The following RFX6 variants were observed in gnomAD, a reference collection of about 807,000 sequenced individuals.
The protein encoded by RFX6 is DNA-binding protein RFX6.
A neutral mutation model predicts 110.8 loss-of-function variants in RFX6; 50 were observed. That is an observed-to-expected ratio of 0.45 (90% CI 0.36 to 0.57). The LOEUF (loss-of-function observed/expected upper bound fraction) is 0.57, where lower values mean the gene tolerates loss of function less well. RFX6 is among the 20% of genes least tolerant of loss of function. RFX6 has a pLI of 0.00. For synonymous variants in RFX6, 383 were observed against 411.2 expected (o/e 0.93, Z 0.83); for missense variants, 990 against 1,127.0 (o/e 0.88, Z 1.74).
rs145210672 is a variant in RFX6 at position 116,925,521 on chromosome 6, A to G, written c.1747A>G (p.Met583Val). 116 of 1,614,038 alleles carry G rather than the reference A, an allele frequency of 7.2e-5. No individual in the cohort carries two copies. The highest frequency in any genetic ancestry group is 9.6e-5 in the Non-Finnish European group (113 of 1,179,982). ...CFLANRNKGS[M>V]VSSDAVKNES... ...TCTGGCCAACCGTAATAAAGGGAGC[A>G]TGGTTTCCAGCGACGCTGTGAAGAA... The change falls in exon 16 of 19, where the codon ATG becomes GTG. Residue 583 changes from methionine (M) to valine (V), a missense_variant. By Grantham distance (21) the Met-to-Val change is conservative. Coordinates refer to ENST00000332958, the MANE Select transcript of RFX6 (RefSeq NM_173560.4).
At chr6:116,919,700 A>G (rs1366716073) in intron 11 of RFX6, among the ~76,000 whole-genome samples, 1 of 152,212 alleles carries the variant, frequency 6.6e-6, no homozygotes. Flanking sequence ...TAAGGTTGTG[A>G]GAAGTAAGCC....
chr6:116,908,669 TACAC>T (rs753592440), intron 6 of RFX6, among the ~76,000 whole-genome samples: 3 of 102,378 alleles, frequency 2.9e-5, no homozygotes, highest in Admixed American at 1.0e-4. Flanking sequence ...ATTTCTAGCA[TACAC>T]ACACACACAC....
chr6:116,890,904 A>T (rs1774816363), intron 4 of RFX6, among the ~76,000 whole-genome samples: 1 of 152,196 alleles, frequency 6.6e-6, no homozygotes, highest in Admixed American at 6.5e-5. Context: ...GGGGCCAAAT[A>T]ATATAATCAT....
Position 116,918,039 on chromosome 6 carries a change from T to C in RFX6, c.975T>C (p.Val325=). 6.2e-7 allele frequency: 1 copy of C among 1,604,542 alleles called. No homozygotes were observed. The highest frequency in any genetic ancestry group is 8.5e-7 in the Non-Finnish European group (1 of 1,172,298). ...FCVCDSILYK[V]LTDVLIPATM... ...TAACCTCTTTTGCTATGATTAAGGT[T>C]CTTACAGATGTACTCATTCCTGCAA... Residue 325 remains valine (V), a splice_region_variant and synonymous_variant, in exon 10 of 19, where the codon GTT becomes GTC. Coordinates refer to ENST00000332958, the MANE Select transcript of RFX6 (RefSeq NM_173560.4).
chr6:116,877,832 A>G lies in RFX6; in HGVS notation c.260A>G (p.Glu87Gly). The part of the protein sequence containing the change: ...HLNNGNFSSE[E>G]EDADNHDSKT... ...AACAATGGTAACTTTTCCTCTGAAG[A>G]AGAGGACGCCGACAACCACGACAGC... The change falls in exon 2 of 19, where the codon GAA becomes GGA. Residue 87 changes from glutamate (E) to glycine (G), a missense_variant. This residue lies in a region of RFX6 where 175 missense variants were observed against 162.3 expected (regional missense o/e 1.08). Transcript: ENST00000332958. The G allele has an allele frequency of 6.2e-7, 1 of 1,614,156 alleles. No homozygotes were observed. The highest frequency in any genetic ancestry group is 2.2e-5 in the East Asian group (1 of 44,880).
chr6:116,918,184 C>A, intron 10 of RFX6, 98 bp downstream of exon 10: 1 of 911,440 alleles, frequency 1.1e-6, no homozygotes, highest in Non-Finnish European at 1.8e-6. Flanking sequence ...ATTCATTTAT[C>A]AAGAAGACTA....
chr6:116,887,098 TAA>T (rs1774715334), intron 4 of RFX6, among the ~76,000 whole-genome samples: 1 of 151,526 alleles, frequency 6.6e-6, no homozygotes, highest in Non-Finnish European at 1.5e-5. Flanking sequence ...AAAAAAATAA[TAA>T]AACAAAAAAA....
rs1774564473 is a variant in RFX6, at chr6:116,880,424, C to T, written c.381-120C>T. On this transcript the variant is annotated intron_variant, in intron 2 of 18. Transcript: ENST00000332958. ...AAATATCCAGAATAAACGAAGTCTACTTATGTCTACTCATTACCTCATTTA... is the reference window on the plus strand; with the variant it reads ...AAATATCCAGAATAAACGAAGTCTATTTATGTCTACTCATTACCTCATTTA... The T allele has an allele frequency of 3.6e-6, 3 of 833,958 alleles. No individual in the cohort carries two copies. In the African/African-American group the frequency reaches 5.1e-5, roughly 14 times the overall value. The allele number at this position is 833,958 out of a possible 1,614,324, so 51.7% of individuals were successfully genotyped here.
rs959926216 is a variant in RFX6, at chr6:116,915,351, C to T, written c.781-657C>T. ...TGTTTAGTAAGGTCTTACTGGGTGC[C>T]AGGCACTGTTCCATATGTGTCACAT... On this transcript the variant is annotated intron_variant, in intron 7 of 18. Coordinates refer to ENST00000332958, the MANE Select transcript of RFX6 (RefSeq NM_173560.4). 2.0e-5 allele frequency among the ~76,000 whole-genome samples: 3 copies of T among 152,090 alleles called. No homozygotes were observed. The South Asian group carries it at 6.2e-4, about 31-fold the overall frequency.
chr6:116,925,717 T>G, intron 16 of RFX6, 58 bp downstream of exon 16: 2 of 1,238,516 alleles, frequency 1.6e-6, no homozygotes, highest in Non-Finnish European at 2.3e-6. Context: ...TGTTGCTTCA[T>G]TTTTCTTAAA....
Position 116,931,447 on chromosome 6 carries a change from G to C in RFX6, c.2728G>C (p.Val910Leu). Reference sequence around the variant, plus strand: ...CCATGGAACAAGCAGTAGAGAAATGGTGTCCTCTTTACCACCTATCAACAC... The same window carrying C: ...CCATGGAACAAGCAGTAGAGAAATGCTGTCCTCTTTACCACCTATCAACAC... The part of the protein sequence containing the change: ...DSHGTSSREM[V>L]SSLPPINTVF... Residue 910 changes from valine (V) to leucine (L), a missense_variant, in exon 19 of 19, where the codon GTG (valine) becomes CTG (leucine). By Grantham distance (32) the Val-to-Leu change is conservative. Coordinates refer to ENST00000332958, the MANE Select transcript of RFX6 (RefSeq NM_173560.4). 1 of 1,613,488 alleles carries C rather than the reference G, an allele frequency of 6.2e-7. No individual in the cohort carries two copies. Among genetic ancestry groups the C allele is most frequent in the South Asian group, 1.1e-5 (1 of 91,052 alleles).
chr6:116,927,432 A>G lies in RFX6; in HGVS notation c.2291A>G (p.Gln764Arg), dbSNP rs1459461175. The change falls in exon 17 of 19, where the codon CAG (glutamine) becomes CGG (arginine). Residue 764 changes from glutamine (Q) to arginine (R), a missense_variant. Physicochemically the swap from Gln to Arg is conservative, Grantham distance 43. Transcript: ENST00000332958. ...PSSYGPSLQA[Q>R]DSHNMQFLNT... is the part of the protein sequence containing the mutation. ...AGCTATGGCCCATCCCTGCAAGCCC[A>G]GGATTCACACAATATGCAGTTTTTA... 1 of 1,614,074 alleles carries G rather than the reference A, an allele frequency of 6.2e-7. No homozygotes were observed. Among genetic ancestry groups the G allele is most frequent in the Non-Finnish European group, 8.5e-7 (1 of 1,180,030 alleles).
Position 116,925,629 on chromosome 6 carries a change from G to C in RFX6, c.1855G>C (p.Ala619Pro). The change falls in exon 16 of 19, where the codon GCT (alanine) becomes CCT (proline). Residue 619 changes from alanine (A) to proline (P), a missense_variant. Coordinates refer to ENST00000332958, the MANE Select transcript of RFX6 (RefSeq NM_173560.4). Reference sequence around the variant, plus strand: ...AGGCCCTGCTCTGCACCAGTTCCCTGCTGGGAACACAGACAACATGCCGCT... The same window carrying C: ...AGGCCCTGCTCTGCACCAGTTCCCTCCTGGGAACACAGACAACATGCCGCT... ...GLGPALHQFPAGNTDNMPLTG... is the reference protein window; with the variant it reads ...GLGPALHQFPPGNTDNMPLTG... The C allele has an allele frequency of 1.2e-6, 2 of 1,613,884 alleles. No homozygotes were observed. The highest frequency in any genetic ancestry group is 1.7e-4 in the Middle Eastern group (1 of 6,056).
chr6:116,893,932 T>TC, intron 4 of RFX6, 55 bp from the exon 5 acceptor site: 2 of 992,426 alleles, frequency 2.0e-6, no homozygotes, highest in Non-Finnish European at 3.3e-6. Flanking sequence ...AGTCTCTTTT[T>TC]CCCCTCCAAA....
chr6:116,925,422 T>C, intron 15 of RFX6, 31 bp from the exon 16 acceptor site: 16 of 1,554,502 alleles, frequency 1.0e-5, no homozygotes, highest in Non-Finnish European at 1.4e-5. Context: ...AGAAAAAATC[T>C]CAAATTTCCC....
At chr6:116,926,852 A>G (rs975173908) in intron 16 of RFX6, among the ~76,000 whole-genome samples, 175 bp from the exon 17 acceptor site, 1 of 152,138 alleles carries the variant, frequency 6.6e-6, no homozygotes. Flanking sequence ...ATGTGTTGTG[A>G]TTATATTTTT....
intron 4 of RFX6, among the ~76,000 whole-genome samples, chr6:116,888,927 T>C (rs1774758606): frequency 6.6e-6 from 1 of 152,138 alleles, no homozygotes; most frequent in South Asian, 2.1e-4. Flanking sequence ...GACAGAAAGC[T>C]GCTCATTTAT....
rs1463106906 is a variant in RFX6, at chr6:116,928,907, A to G, written c.2547A>G (p.Arg849=). ...DPLNILDDSG[R]KQTSSFYTDT... ...TTAACATTTTAGATGACAGTGGTAG[A>G]AAACAGACCAGCTCGTTTTACACAG... Residue 849 remains arginine (R), a synonymous_variant, in exon 18 of 19, where the codon AGA becomes AGG. Transcript: ENST00000332958. 2 of 1,613,846 alleles carry G rather than the reference A, an allele frequency of 1.2e-6. No individual in the cohort carries two copies. Among genetic ancestry groups the G allele is most frequent in the Non-Finnish European group, 1.7e-6 (2 of 1,179,810 alleles).
chr6:116,913,952 C>T (rs1470043724), intron 7 of RFX6, among the ~76,000 whole-genome samples: 1 of 152,196 alleles, frequency 6.6e-6, no homozygotes, highest in African/African-American at 2.4e-5. Flanking sequence ...TTGTTCTCTT[C>T]TAGCTACTTT....
Sources: gnomAD v4.1 joint callset for allele counts (sites outside exome capture counted in the v4.1 genomes callset) on GRCh38, gnomAD v4.1.1 for gene constraint, gnomAD v4.1.1 regional missense constraint, MANE v1.5 for transcripts, NCBI Gene and HGNC (gene_info 2026-07-23, HGNC 2026-07-21) for gene names.